Variants in PCBP3 observed in about 807,000 individuals in gnomAD.
PCBP3 encodes the protein poly(rC)-binding protein 3.
PCBP3 carries 25 observed loss-of-function variants against 52.7 expected under a neutral mutation model. The observed-to-expected ratio is 0.47, with a 90% confidence interval of 0.35 to 0.66. The LOEUF (loss-of-function observed/expected upper bound fraction) is 0.66. PCBP3 is among the 30% of genes least tolerant of loss of function. The probability of loss-of-function intolerance (pLI) is 0.01; values close to 1 mark genes in which losing one functional copy is unlikely to be tolerated. For synonymous variants in PCBP3, 162 were observed against 183.0 expected, an observed-to-expected ratio of 0.89 and a Z score of 0.93; for missense variants, 391 against 490.3, an observed-to-expected ratio of 0.80 and a Z score of 1.91.
intron 6 of PCBP3, among the ~76,000 whole-genome samples, 185 bp from the exon 7 acceptor site, chr21:45,899,414 G>T (rs1357660939): frequency 6.6e-6 from 1 of 152,088 alleles, no homozygotes; most frequent in African/African-American, 2.4e-5. Context: ...TGTATGGGCA[G>T]CCTGGCTTGT....
intron 3 of PCBP3, among the ~76,000 whole-genome samples, chr21:45,755,130 G>A (rs768843538): frequency 2.0e-5 from 3 of 152,098 alleles, no homozygotes; most frequent in Non-Finnish European, 4.4e-5. Flanking sequence ...TGACCCTTCT[G>A]AAGCCCCTGA....
chr21:45,676,173 A>G (rs1286016915), intron 2 of PCBP3, among the ~76,000 whole-genome samples: 1 of 152,162 alleles, frequency 6.6e-6, no homozygotes, highest in African/African-American at 2.4e-5. Context: ...TCAGACTTGT[A>G]TTTTTGGCAT....
intron 2 of PCBP3, among the ~76,000 whole-genome samples, chr21:45,696,300 A>G (rs2082770225): frequency 1.3e-5 from 2 of 152,108 alleles, no homozygotes; most frequent in African/African-American, 4.8e-5. Flanking sequence ...AACCAGACTC[A>G]ATAAGCCCTA....
In PCBP3 at chr21:45,736,076, G is replaced by A. The variant is rs2085849651; in HGVS notation, c.-162+647G>A. 6.6e-6 allele frequency among the ~76,000 whole-genome samples: 1 copy of A among 152,214 alleles called. No individual in the cohort carries two copies. The highest frequency in any genetic ancestry group is 1.5e-5 in the Non-Finnish European group (1 of 68,036). On this transcript the variant is annotated intron_variant, in intron 3 of 17. Coordinates refer to ENST00000681687, the MANE Select transcript of PCBP3 (RefSeq NM_001384156.1). The surrounding 1 kb of genome is among the most constrained non-coding windows in gnomAD (Gnocchi z 4.6). ...GCTTATTAAAGGTCATTTTCAAAAC[G>A]TTTTCAGCAGGAACTTGGTGTATAT... is the stretch of plus-strand genomic sequence containing the variant.
intron 3 of PCBP3, chr21:45,744,131 T>TAC (rs1297317164): frequency 2.0e-5 from 3 of 151,728 alleles, no homozygotes; most frequent in Admixed American, 1.3e-4. Context: ...TATATATATA[T>TAC]ACATATGTAT....
intron 4 of PCBP3, among the ~76,000 whole-genome samples, chr21:45,824,179 T>C (rs1014869516): frequency 6.6e-6 from 1 of 152,222 alleles, no homozygotes; most frequent in South Asian, 2.1e-4. Flanking sequence ...AGCCCCTCAC[T>C]CTGCCTCCTG....
chr21:45,823,995 G>C (rs544468422), intron 4 of PCBP3, among the ~76,000 whole-genome samples: 118 of 152,220 alleles, frequency 7.8e-4, no homozygotes, highest in African/African-American at 2.7e-3. Context: ...ACCCGCCTTG[G>C]CCTCCCAAAG....
intron 4 of PCBP3, among the ~76,000 whole-genome samples, chr21:45,820,177 A>T (rs1214164866): frequency 6.6e-6 from 1 of 152,220 alleles, no homozygotes; most frequent in East Asian, 1.9e-4. Context: ...GTGTGGGATG[A>T]TGCTGGCCTT....
intron 1 of PCBP3, among the ~76,000 whole-genome samples, chr21:45,647,300 A>G (rs1207584736): frequency 6.6e-6 from 1 of 152,218 alleles, no homozygotes; most frequent in Non-Finnish European, 1.5e-5. Context: ...ATACTCCCTG[A>G]TTCCCTACTG....
chr21:45,825,892 C>T (rs2093294070), intron 4 of PCBP3, among the ~76,000 whole-genome samples: 1 of 152,088 alleles, frequency 6.6e-6, no homozygotes, highest in South Asian at 2.1e-4. Context: ...TGACTTTTTC[C>T]TTATTTTAAC....
At chr21:45,939,351 C>A (rs2077208873) in intron 16 of PCBP3, among the ~76,000 whole-genome samples, 1 of 152,236 alleles carries the variant, frequency 6.6e-6, no homozygotes, top group Admixed American at 6.5e-5. Flanking sequence ...ATGGCTGCCC[C>A]ATAGGCCCCG....
At position 45,800,018 on chromosome 21, in the gene PCBP3, G is replaced by T. The variant is rs13051803; in HGVS notation, c.-126+44566G>T. On this transcript the variant is annotated intron_variant, in intron 4 of 17. Coordinates refer to ENST00000681687, the MANE Select transcript of PCBP3 (RefSeq NM_001384156.1). The surrounding 1 kb of genome is among the most constrained non-coding windows in gnomAD (Gnocchi z 5.3). ...CGGGGAGGGTCCTCTCAGCTCCCGCGCCCTCTGCCCACAGCTTGTTCTCTC... is the reference window on the plus strand; with the variant it reads ...CGGGGAGGGTCCTCTCAGCTCCCGCTCCCTCTGCCCACAGCTTGTTCTCTC... 1.3e-5 allele frequency among the ~76,000 whole-genome samples: 2 copies of T among 152,106 alleles called. No homozygotes were observed. The highest frequency in any genetic ancestry group is 2.9e-5 in the Non-Finnish European group (2 of 68,014).
intron 4 of PCBP3, among the ~76,000 whole-genome samples, chr21:45,809,044 TG>T (rs796371386): frequency 2.0e-5 from 3 of 150,186 alleles, no homozygotes; most frequent in African/African-American, 7.4e-5. Context: ...TGTTGGGGGG[TG>T]GGGGGCTAGG....
At chr21:45,808,956 A>G (rs1266217712) in intron 4 of PCBP3, among the ~76,000 whole-genome samples, 1 of 152,118 alleles carries the variant, frequency 6.6e-6, no homozygotes, top group Non-Finnish European at 1.5e-5. Context: ...ACCAAACACC[A>G]CATGTTCTCA....
At chr21:45,719,185 C>T (rs1213746527) in intron 2 of PCBP3, among the ~76,000 whole-genome samples, 1 of 152,008 alleles carries the variant, frequency 6.6e-6, no homozygotes, top group African/African-American at 2.4e-5. Context: ...CCTCACCCTG[C>T]AATAAGGTTG....
At chr21:45,644,063 G>A (rs2079091268) in intron 1 of PCBP3, among the ~76,000 whole-genome samples, 195 bp downstream of exon 1, 1 of 150,206 alleles carries the variant, frequency 6.7e-6, no homozygotes, top group Admixed American at 6.6e-5. Context: ...CCGGGGCAGC[G>A]AGGGGACTCG....
intron 4 of PCBP3, among the ~76,000 whole-genome samples, chr21:45,756,622 C>G (rs2088071413): frequency 6.6e-6 from 1 of 152,142 alleles, no homozygotes; most frequent in African/African-American, 2.4e-5. Context: ...AGTATATTCG[C>G]TAGCGTGTAC....
At chr21:45,770,589 C>T (rs186215354) in intron 4 of PCBP3, among the ~76,000 whole-genome samples, 1 of 152,264 alleles carries the variant, frequency 6.6e-6, no homozygotes, top group East Asian at 1.9e-4. Context: ...TGCCTTCTTC[C>T]CAGCGTGCAT....
At chr21:45,767,633 C>G (rs1349062979) in intron 4 of PCBP3, among the ~76,000 whole-genome samples, 3 of 152,184 alleles carry the variant, frequency 2.0e-5, no homozygotes, top group Non-Finnish European at 2.9e-5. Context: ...CACTGTTTTG[C>G]CTTCTTGAGG....
Sources: allele counts gnomAD v4.1 joint callset (sites outside exome capture counted in the v4.1 genomes callset), GRCh38; gene constraint gnomAD v4.1.1; non-coding constraint Gnocchi (gnomAD v3.1); transcripts MANE v1.5; gene names NCBI Gene and HGNC (gene_info 2026-07-23, HGNC 2026-07-21).